RGS3: variants seen among roughly 807,000 people sequenced by gnomAD.
RGS3 encodes the protein regulator of G-protein signalling 3.
Under a neutral mutation model 132.6 loss-of-function variants are expected in RGS3, and 80 were observed. That is an observed-to-expected ratio of 0.60 (90% CI 0.50 to 0.73). The LOEUF is 0.73. Ranked by LOEUF, RGS3 falls within the 30% of genes least tolerant of loss-of-function variation. The pLI is 0.00. For missense variants in RGS3, 1,382 were observed against 1,530.8 expected, an observed-to-expected ratio of 0.90 and a Z score of 1.62; for synonymous variants, 598 against 620.6, an observed-to-expected ratio of 0.96 and a Z score of 0.54.
intron 8 of RGS3, 95 bp from the exon 7 acceptor site, chr9:113,497,219 G>C (rs1830715972): frequency 1.1e-6 from 1 of 909,710 alleles, no homozygotes; most frequent in Admixed American, 2.1e-5. Flanking sequence ...CTGTGGGTGG[G>C]TGTCCAGTGG....
At chr9:113,505,962 G>A (rs2119321630) in intron 11 of RGS3, among the ~76,000 whole-genome samples, 1 of 152,300 alleles carries the variant, frequency 6.6e-6, no homozygotes, top group South Asian at 2.1e-4. Flanking sequence ...CAGAAGCCAG[G>A]GCTCAGTGGT....
chr9:113,456,519 T>C (rs1027639754), upstream of RGS3, among the ~76,000 whole-genome samples: 1 of 152,214 alleles, frequency 6.6e-6, no homozygotes, highest in African/African-American at 2.4e-5. Context: ...TTCTATCTCT[T>C]TCCATCCCTA....
At chr9:113,489,718 C>T (rs924709355) in intron 7 of RGS3, among the ~76,000 whole-genome samples, 3 of 148,714 alleles carry the variant, frequency 2.0e-5, no homozygotes, top group Non-Finnish European at 4.4e-5. Context: ...TTTGTAGAGA[C>T]GATGCCTTGC....
chr9:113,468,746 G>C (rs1236925454), intron 3 of RGS3, among the ~76,000 whole-genome samples: 1 of 152,158 alleles, frequency 6.6e-6, no homozygotes, highest in Non-Finnish European at 1.5e-5. Context: ...CCTGGATATG[G>C]TGAGTGGTCA....
chr9:113,499,187 G>A (rs1201068327), intron 10 of RGS3, among the ~76,000 whole-genome samples: 2 of 142,468 alleles, frequency 1.4e-5, no homozygotes, highest in South Asian at 4.4e-4. Context: ...AGATTGTACC[G>A]CTGCATTCCA....
chr9:113,497,119 G>C (rs1326689311), intron 8 of RGS3, among the ~76,000 whole-genome samples, 195 bp from the exon 7 acceptor site: 6 of 152,218 alleles, frequency 3.9e-5, no homozygotes, highest in African/African-American at 1.4e-4. Flanking sequence ...GCAGAGGGGA[G>C]AGCCAGATCT....
At position 113,579,997 on chromosome 9, in the gene RGS3, C is replaced by T. The variant is rs1834713241; in HGVS notation, c.2038-3453C>T. Among the ~76,000 whole-genome samples the T allele has an allele frequency of 6.6e-6, 1 of 152,216 alleles. No individual in the cohort carries two copies. The highest frequency in any genetic ancestry group is 1.5e-5 in the Non-Finnish European group (1 of 68,042). On this transcript the variant is annotated intron_variant, in intron 19 of 24. Coordinates refer to ENST00000350696, the Ensembl canonical transcript of RGS3. This position sits in a 1 kb window ranked among gnomAD's most constrained non-coding sequence, Gnocchi z 4.3. The stretch of plus-strand genomic sequence containing the variant: ...TGCCCTAATTTTCTCCTACACTTGC[C>T]ACCCTCCCACCCCTGGGTTTCTCGG...
At chr9:113,471,669 G>A (rs375517462) in intron 3 of RGS3, among the ~76,000 whole-genome samples, 12 of 145,678 alleles carry the variant, frequency 8.2e-5, no homozygotes, top group African/African-American at 2.6e-4. Flanking sequence ...CTCTCTCTCC[G>A]TCCCTCCTTT....
intron 19 of RGS3, among the ~76,000 whole-genome samples, chr9:113,551,646 C>T (rs1833343527): frequency 6.6e-6 from 1 of 152,048 alleles, no homozygotes; most frequent in Non-Finnish European, 1.5e-5. Flanking sequence ...GTCCAGAGTT[C>T]AAGACCAGCC....
At chr9:113,530,603 A>G (rs1832424325) in intron 18 of RGS3, among the ~76,000 whole-genome samples, 1 of 152,266 alleles carries the variant, frequency 6.6e-6, no homozygotes, top group Admixed American at 6.5e-5. Context: ...AGGAGGCTCC[A>G]GGTTCTTTAA....
chr9:113,480,943 G>A (rs1588146455), intron 4 of RGS3, among the ~76,000 whole-genome samples: 1 of 152,178 alleles, frequency 6.6e-6, no homozygotes, highest in African/African-American at 2.4e-5. Flanking sequence ...TGCCGCTGAC[G>A]GTACCCTCCA....
At chr9:113,498,191 A>C in intron 10 of RGS3, 111 bp downstream of exon 8, 1 of 838,392 alleles carries the variant, frequency 1.2e-6, no homozygotes, top group Non-Finnish European at 2.0e-6. Flanking sequence ...AAACTCAGCA[A>C]GTCATGTACT....
At chr9:113,460,139 C>T, upstream of RGS3, 1 of 976,854 alleles carries the variant, frequency 1.0e-6, no homozygotes, top group Non-Finnish European at 1.3e-6. Context: ...GTCTATTTTA[C>T]TGAACTTTTC....
At position 113,445,465 on chromosome 9, in the gene RGS3, T is replaced by C. The variant is rs1829080936; in HGVS notation, c.-13+538T>C. On this transcript the variant is annotated intron_variant, in intron 1 of 25. Coordinates refer to the RGS3 transcript ENST00000374140. ...TGCCCACCTCGGCCTCCCAAAGTGC[T>C]GGGATTACAGGTGTGAGCCACTGTG... Among the ~76,000 whole-genome samples the C allele has an allele frequency of 2.0e-5, 3 of 152,088 alleles. No individual in the cohort carries two copies. In the South Asian group the frequency reaches 6.2e-4, roughly 32 times the overall value.
At chr9:113,512,003 A>G (rs1831425737) in intron 14 of RGS3, among the ~76,000 whole-genome samples, 1 of 152,102 alleles carries the variant, frequency 6.6e-6, no homozygotes, top group Admixed American at 6.6e-5. Context: ...CTGACTACTC[A>G]CACTGTGGTA....
Position 113,565,408 on chromosome 9 carries a change from A to AAGG in RGS3, c.2038-18040_2038-18039insGAG. ...GGAGGAGGAGGAAGAGGAGGAGGACAAGTAGGAGGAGGAGGAAGAGGAGGA... is the reference window on the plus strand; with the variant it reads ...GGAGGAGGAGGAAGAGGAGGAGGACAAGGAGTAGGAGGAGGAGGAAGAGGAGGA... On this transcript the variant is annotated intron_variant, in intron 19 of 24. Coordinates refer to ENST00000350696, the Ensembl canonical transcript of RGS3. The surrounding 1 kb of genome is among the most constrained non-coding windows in gnomAD (Gnocchi z 5.7). 7.9e-7 allele frequency: 1 copy of AAGG among 1,265,166 alleles called. No individual in the cohort carries two copies. Among genetic ancestry groups the AAGG allele is most frequent in the South Asian group, 1.2e-5 (1 of 80,986 alleles). 78.4% of individuals were successfully genotyped at this position (1,265,166 alleles called of 1,614,324 possible). A position where few individuals can be genotyped will look rare whatever the true frequency, so the allele number is the denominator to read the frequency against.
chr9:113,511,130 T>A (rs535215706), intron 14 of RGS3, among the ~76,000 whole-genome samples: 10 of 152,312 alleles, frequency 6.6e-5, no homozygotes, highest in African/African-American at 9.6e-5. Context: ...GTGGTTGGCA[T>A]GTTTCCCAGG....
chr9:113,507,178 G>T lies in RGS3; in HGVS notation c.1086-109G>T. On this transcript the variant is annotated intron_variant, in intron 12 of 24. Coordinates refer to ENST00000350696, the Ensembl canonical transcript of RGS3. The surrounding 1 kb of genome is among the most constrained non-coding windows in gnomAD (Gnocchi z 5.0). ...CCTGACACTGGGGGCTTCCCCTCTG[G>T]TGTCTGCCTCCTCTTCCCCCATTAT... 3 of 861,818 alleles carry T rather than the reference G, an allele frequency of 3.5e-6. No individual in the cohort carries two copies. Among genetic ancestry groups the T allele is most frequent in the Non-Finnish European group, 3.6e-6 (2 of 560,684 alleles). 53.4% of individuals were successfully genotyped at this position (861,818 alleles called of 1,614,324 possible). A position where few individuals can be genotyped will look rare whatever the true frequency, so the allele number is the denominator to read the frequency against.
intron 18 of RGS3, among the ~76,000 whole-genome samples, chr9:113,529,735 G>C (rs1832386233): frequency 1.3e-5 from 2 of 152,136 alleles, no homozygotes; most frequent in South Asian, 4.1e-4. Context: ...CCTTTACCTG[G>C]GCCAGATAAT....
Sources: gnomAD v4.1 joint callset for allele counts (sites outside exome capture counted in the v4.1 genomes callset) on GRCh38, gnomAD v4.1.1 for gene constraint, Gnocchi (gnomAD v3.1) non-coding constraint, MANE v1.5 for transcripts, NCBI Gene and HGNC (gene_info 2026-07-23, HGNC 2026-07-21) for gene names.